ATG16L1: variants seen among roughly 807,000 people sequenced by gnomAD.
The protein encoded by ATG16L1 is autophagy related 16 like 1.
Under a neutral mutation model 88.5 loss-of-function variants are expected in ATG16L1, and 37 were observed. The observed-to-expected ratio is 0.42, with a 90% CI of 0.32 to 0.55. The LOEUF (loss-of-function observed/expected upper bound fraction) is 0.55, where lower values mean the gene tolerates loss of function less well. Ranked by LOEUF, ATG16L1 falls within the 20% of genes least tolerant of loss-of-function variation. The pLI is 0.13. For synonymous variants in ATG16L1, 301 were observed against 281.0 expected, an observed-to-expected ratio of 1.07 and a Z score of -0.71; for missense variants, 554 against 752.8, an observed-to-expected ratio of 0.74 and a Z score of 3.09.
At chr2:233,285,592 A>G (rs557261170) in intron 12 of ATG16L1, among the ~76,000 whole-genome samples, 71 of 152,308 alleles carry the variant, frequency 4.7e-4, no homozygotes, top group Non-Finnish European at 7.4e-5. Flanking sequence ...GCCTGCTCAT[A>G]ACCTTGTCCT....
At chr2:233,290,433 A>G (rs1005306577) in intron 14 of ATG16L1, 80 bp downstream of exon 14, 72 of 1,123,880 alleles carry the variant, frequency 6.4e-5, no homozygotes, top group Non-Finnish European at 9.2e-5. Flanking sequence ...TGCTTTTAAG[A>G]TCTCAGGACA....
intron 2 of ATG16L1, among the ~76,000 whole-genome samples, chr2:233,258,019 ATCT>A (rs1559377519): frequency 6.5e-5 from 9 of 138,214 alleles, no homozygotes; most frequent in African/African-American, 1.9e-4. Context: ...AAAAAAAAAT[ATCT>A]ATATATCTAT....
chr2:233,256,687 CTTTTTCTTTTTTTTT>C (rs1374859991), intron 2 of ATG16L1, among the ~76,000 whole-genome samples: 3 of 148,144 alleles, frequency 2.0e-5, no homozygotes, highest in Non-Finnish European at 4.5e-5. Flanking sequence ...TATAATTTTT[CTTTTTCTTTTTTTTT>C]TTTTTCTTTT....
chr2:233,255,419 C>T (rs1020257093), intron 1 of ATG16L1, among the ~76,000 whole-genome samples: 5 of 152,210 alleles, frequency 3.3e-5, no homozygotes, highest in Admixed American at 6.5e-5. Context: ...TAGCATCCTC[C>T]GCCCAGTTGC....
At position 233,282,773 on chromosome 2, in the gene ATG16L1, G is replaced by A. The variant is rs1229278628; in HGVS notation, c.1203+20G>A. ...TTACGGGTAAGACCCAGTTAAGAAA[G>A]TTAGTGCAATCTCCAAACTTCATGT... On this transcript the variant is annotated intron_variant, in intron 12 of 17. Coordinates refer to ENST00000392017, the MANE Select transcript of ATG16L1 (RefSeq NM_030803.7). The A allele has an allele frequency of 6.2e-7, 1 of 1,610,040 alleles. No homozygotes were observed. The highest frequency in any genetic ancestry group is 1.1e-5 in the South Asian group (1 of 90,988).
intron 9 of ATG16L1, 109 bp downstream of exon 9, chr2:233,274,887 T>A: frequency 1.4e-6 from 1 of 732,930 alleles, no homozygotes; most frequent in Non-Finnish European, 2.2e-6. Flanking sequence ...GTTTTACTTA[T>A]ATCAAGCCTT....
intron 17 of ATG16L1, among the ~76,000 whole-genome samples, chr2:233,293,660 A>C: frequency 6.7e-6 from 1 of 150,108 alleles, no homozygotes; most frequent in African/African-American, 2.5e-5. Flanking sequence ...CCCCTTCCCT[A>C]CTCTCCTTCC....
chr2:233,287,751 G>T (rs547405773), intron 12 of ATG16L1, among the ~76,000 whole-genome samples: 25 of 152,256 alleles, frequency 1.6e-4, no homozygotes, highest in Middle Eastern at 3.4e-3. Context: ...GGTGGCACAC[G>T]CCTATAGTCC....
At chr2:233,257,187 G>A (rs527806353) in intron 2 of ATG16L1, among the ~76,000 whole-genome samples, 27 of 152,180 alleles carry the variant, frequency 1.8e-4, no homozygotes, top group African/African-American at 6.3e-4. Context: ...CCGCCACCAC[G>A]CTTGGCTAAT....
chr2:233,269,825 G>T (rs1697861424), intron 5 of ATG16L1, among the ~76,000 whole-genome samples, 177 bp from the exon 6 acceptor site: 2 of 152,184 alleles, frequency 1.3e-5, no homozygotes, highest in African/African-American at 4.8e-5. Flanking sequence ...CTTTAAAAGG[G>T]GAGCCTTACT....
intron 6 of ATG16L1, among the ~76,000 whole-genome samples, chr2:233,270,538 G>A (rs77856287): frequency 3.9e-5 from 6 of 152,164 alleles, no homozygotes; most frequent in Non-Finnish European, 5.9e-5. Context: ...CTCAGTACCC[G>A]TTACTGCCTC....
chr2:233,274,629 A>C, intron 8 of ATG16L1, 47 bp from the exon 9 acceptor site: 1 of 1,464,420 alleles, frequency 6.8e-7, no homozygotes, highest in Non-Finnish European at 9.5e-7. Flanking sequence ...GATGAGCAGT[A>C]AACCTCTGCA....
chr2:233,283,465 A>AG (rs910643079), intron 12 of ATG16L1, among the ~76,000 whole-genome samples: 18 of 152,082 alleles, frequency 1.2e-4, no homozygotes, highest in Non-Finnish European at 2.2e-4. Flanking sequence ...ACTAAAAAAA[A>AG]AAAAAATTTT....
At chr2:233,285,406 A>G (rs1224090456) in intron 12 of ATG16L1, among the ~76,000 whole-genome samples, 1 of 152,214 alleles carries the variant, frequency 6.6e-6, no homozygotes, top group Non-Finnish European at 1.5e-5. Context: ...GGGGACCTAG[A>G]GCAGGGAGCT....
intron 14 of ATG16L1, among the ~76,000 whole-genome samples, 165 bp downstream of exon 14, chr2:233,290,518 T>C (rs1281628283): frequency 1.3e-5 from 2 of 152,240 alleles, no homozygotes; most frequent in African/African-American, 4.8e-5. Context: ...TGAAGTAGAC[T>C]GTGGAGCTTA....
At chr2:233,278,423 C>T (rs188779641) in intron 10 of ATG16L1, among the ~76,000 whole-genome samples, 2 of 152,332 alleles carry the variant, frequency 1.3e-5, no homozygotes, top group South Asian at 2.1e-4. Context: ...TCTGTAGCTG[C>T]GACACACACA....
intron 8 of ATG16L1, 90 bp downstream of exon 8, chr2:233,273,867 G>T: frequency 6.6e-7 from 1 of 1,521,340 alleles, no homozygotes; most frequent in Non-Finnish European, 9.1e-7. Flanking sequence ...ATGTACACCA[G>T]GTGTCAGTGA....
At chr2:233,252,666 G>A (rs535269547) in intron 1 of ATG16L1, among the ~76,000 whole-genome samples, 1 of 152,074 alleles carries the variant, frequency 6.6e-6, no homozygotes, top group African/African-American at 2.4e-5. Flanking sequence ...GGGATTATAG[G>A]CGTGAGCCAC....
chr2:233,255,827 TCTTA>T (rs926935031), intron 1 of ATG16L1, among the ~76,000 whole-genome samples: 92 of 152,364 alleles, frequency 6.0e-4, no homozygotes, highest in African/African-American at 2.1e-3. Context: ...AGTTCTCCTG[TCTTA>T]CTTAAAGGTA....
Sources: gnomAD v4.1 joint callset for allele counts (sites outside exome capture counted in the v4.1 genomes callset) on GRCh38, gnomAD v4.1.1 for gene constraint, MANE v1.5 for transcripts, NCBI Gene and HGNC (gene_info 2026-07-23, HGNC 2026-07-21) for gene names.